Variants in CDH6 observed in about 807,000 individuals in gnomAD.
CDH6 encodes cadherin-6.
In CDH6, 31 loss-of-function variants were observed where a neutral mutation model predicts 78.0. That is an observed-to-expected ratio of 0.40 (90% CI 0.30 to 0.54). CDH6 has a LOEUF of 0.54. Ranked by LOEUF, CDH6 falls within the 20% of genes least tolerant of loss-of-function variation. The probability of loss-of-function intolerance (pLI) is 0.56; values close to 1 mark genes in which losing one functional copy is unlikely to be tolerated. For missense variants in CDH6, 724 were observed against 975.9 expected (o/e 0.74, Z 3.44); for synonymous variants, 376 against 368.8 (o/e 1.02, Z -0.23).
At position 31,227,895 on chromosome 5, in the gene CDH6, G is replaced by A. The variant is rs77477111; in HGVS notation, c.-129+34009G>A. Among the ~76,000 whole-genome samples, 1,206 of 152,246 alleles carry A rather than the reference G, an allele frequency of 7.9e-3. 18 individuals are homozygous for A. The highest frequency in any genetic ancestry group is 0.028 in the African/African-American group (1,143 of 41,528). The stretch of plus-strand genomic sequence containing the variant: ...ATTAGTTGCTTCTTGCTGCTGCAAC[G>A]CACACCACAAAACACATTACCACAA... On this transcript the variant is annotated intron_variant, in intron 1 of 11. Coordinates refer to ENST00000265071, the MANE Select transcript of CDH6 (RefSeq NM_004932.4).
Position 31,252,328 on chromosome 5 carries a change from G to GGTGTGTGTGTGTGTGTGT in CDH6, c.-128-15011_-128-14994dup, listed in dbSNP as rs5867065. 5.1e-3 allele frequency among the ~76,000 whole-genome samples: 762 copies of GGTGTGTGTGTGTGTGTGT among 149,024 alleles called. 8 individuals carry two copies. Among genetic ancestry groups the GGTGTGTGTGTGTGTGTGT allele is most frequent in the South Asian group, 0.025 (114 of 4,630 alleles). On this transcript the variant is annotated intron_variant, in intron 1 of 11. Transcript: ENST00000265071. ...CTTTTAAGGTGTATTATGTGTGTGT[G>GGTGTGTGTGTGTGTGTGT]GTGTGTGTGTGTGTGTGTGTGTGTA...
At position 31,258,992 on chromosome 5, in the gene CDH6, C is replaced by T. The variant is rs1186062194; in HGVS notation, c.-128-8354C>T. On this transcript the variant is annotated intron_variant, in intron 1 of 11. Coordinates refer to ENST00000265071, the MANE Select transcript of CDH6 (RefSeq NM_004932.4). ...CATGACCGTGGACAAGCTATTTGAC[C>T]TAAGTTTCAGTTTCTTATCTGCAGA... Among the ~76,000 whole-genome samples the T allele has an allele frequency of 2.0e-5, 3 of 152,284 alleles. No individual in the cohort carries two copies. The East Asian group carries it at 5.8e-4, about 29-fold the overall frequency.
chr5:31,302,881 A>G (rs1207190065), intron 6 of CDH6, among the ~76,000 whole-genome samples: 3 of 141,746 alleles, frequency 2.1e-5, no homozygotes, highest in Admixed American at 7.1e-5. Flanking sequence ...GAGGGAAGGA[A>G]GGAAGGAAAG....
chr5:31,312,143 G>A (rs1339050317), intron 7 of CDH6, among the ~76,000 whole-genome samples: 1 of 152,128 alleles, frequency 6.6e-6, no homozygotes, highest in African/African-American at 2.4e-5. Context: ...TTCCTCCACT[G>A]GACATTGTTT....
chr5:31,220,465 T>C (rs528001415), intron 1 of CDH6, among the ~76,000 whole-genome samples: 2 of 152,200 alleles, frequency 1.3e-5, no homozygotes, highest in Non-Finnish European at 2.9e-5. Context: ...CTCTATTTAT[T>C]TCTTCTCTCA....
intron 1 of CDH6, among the ~76,000 whole-genome samples, chr5:31,233,822 C>G (rs568390311): frequency 6.6e-6 from 1 of 152,262 alleles, no homozygotes; most frequent in South Asian, 2.1e-4. Context: ...ATCCCTTTAC[C>G]CATTCCACTT....
At chr5:31,246,482 C>T (rs1024825832) in intron 1 of CDH6, among the ~76,000 whole-genome samples, 2 of 152,110 alleles carry the variant, frequency 1.3e-5, no homozygotes, top group Non-Finnish European at 2.9e-5. Flanking sequence ...ATCATCTATA[C>T]AGTAGAAAGC....
chr5:31,286,608 C>T (rs937893711), intron 2 of CDH6, among the ~76,000 whole-genome samples: 5 of 152,072 alleles, frequency 3.3e-5, no homozygotes, highest in African/African-American at 4.8e-5. Context: ...GAGGCCGTGC[C>T]GGGCTTTGGA....
chr5:31,234,222 A>G (rs16900772), intron 1 of CDH6, among the ~76,000 whole-genome samples: 2,914 of 152,332 alleles, frequency 0.019, 122 homozygotes, highest in East Asian at 0.15. Flanking sequence ...ACAAGAACTG[A>G]TGATAAACTA....
intron 5 of CDH6, among the ~76,000 whole-genome samples, chr5:31,301,564 A>T (rs1737765380): frequency 6.6e-6 from 1 of 152,220 alleles, no homozygotes; most frequent in Admixed American, 6.5e-5. Context: ...TAGGAGTTTT[A>T]TCACTTAATG....
chr5:31,324,206 C>A lies in CDH6; in HGVS notation c.*898C>A, dbSNP rs1455642401. 6 of 216,356 alleles carry A rather than the reference C, an allele frequency of 2.8e-5. No individual in the cohort carries two copies. Among genetic ancestry groups the A allele is most frequent in the Non-Finnish European group, 1.9e-5 (2 of 107,546 alleles). 13.4% of individuals were successfully genotyped at this position (216,356 alleles called of 1,614,324 possible). ...AGAATTTTCCTGAGACAAATTTTAA[C>A]TTCTTGTCTATAGTTGTCAGTATTA... On this transcript the variant is annotated 3_prime_UTR_variant, in exon 12 of 12. Transcript: ENST00000265071.
intron 2 of CDH6, among the ~76,000 whole-genome samples, chr5:31,286,565 C>T (rs1018738942): frequency 2.0e-5 from 3 of 152,040 alleles, no homozygotes; most frequent in Non-Finnish European, 2.9e-5. Context: ...AAGGGGAGAA[C>T]GATGGCTGAT....
chr5:31,292,847 GTGTGCATATATATATATATA>G (rs1737442642), intron 2 of CDH6, among the ~76,000 whole-genome samples: 1 of 2,142 alleles, frequency 4.7e-4, no homozygotes, highest in Admixed American at 6.4e-3. Context: ...ATATATATAT[GTGTGCATATATATATATATA>G]TATATATGTA....
At chr5:31,202,044 A>G (rs1740364348) in intron 1 of CDH6, among the ~76,000 whole-genome samples, 1 of 152,204 alleles carries the variant, frequency 6.6e-6, no homozygotes, top group Admixed American at 6.5e-5. Flanking sequence ...TTTTAAATTT[A>G]TATCTAACTC....
chr5:31,211,959 G>A (rs553610537), intron 1 of CDH6, among the ~76,000 whole-genome samples: 5 of 152,238 alleles, frequency 3.3e-5, no homozygotes, highest in African/African-American at 7.2e-5. Context: ...ATTTAATTAG[G>A]AGACTAGCTG....
chr5:31,273,017 A>T (rs181041293), intron 2 of CDH6, among the ~76,000 whole-genome samples: 90 of 152,312 alleles, frequency 5.9e-4, no homozygotes, highest in African/African-American at 2.1e-3. Flanking sequence ...TACCCAATTC[A>T]ATGAAGCCAC....
At chr5:31,240,933 A>G (rs1424734824) in intron 1 of CDH6, among the ~76,000 whole-genome samples, 1 of 152,106 alleles carries the variant, frequency 6.6e-6, no homozygotes, top group African/African-American at 2.4e-5. Flanking sequence ...TTGCCTTGTC[A>G]TTTTTATAGT....
chr5:31,325,771 A>C lies in CDH6; in HGVS notation c.*2463A>C. On this transcript the variant is annotated 3_prime_UTR_variant, in exon 12 of 12. Transcript: ENST00000265071. The stretch of plus-strand genomic sequence containing the variant: ...CAGGTTAATATGATTACTTATGGAA[A>C]TAACTTTAATCTCTTATCATAAAAG... 4.3e-6 allele frequency: 1 copy of C among 231,164 alleles called. No homozygotes were observed. The highest frequency in any genetic ancestry group is 6.2e-5 in the East Asian group (1 of 16,192). 14.3% of individuals were successfully genotyped at this position (231,164 alleles called of 1,614,324 possible).
chr5:31,257,478 T>C (rs1221287722), intron 1 of CDH6, among the ~76,000 whole-genome samples: 1 of 152,208 alleles, frequency 6.6e-6, no homozygotes, highest in Non-Finnish European at 1.5e-5. Flanking sequence ...TTCGTTTTTA[T>C]AGTCATTAGT....
Sources: gnomAD v4.1 joint callset for allele counts (sites outside exome capture counted in the v4.1 genomes callset) on GRCh38, gnomAD v4.1.1 for gene constraint, MANE v1.5 for transcripts, NCBI Gene and HGNC (gene_info 2026-07-23, HGNC 2026-07-21) for gene names.